Variants in GRIA4 observed in about 807,000 individuals in gnomAD.
GRIA4 encodes the protein glutamate ionotropic receptor AMPA type subunit 4, also known as glutamate receptor 4.
In GRIA4, 34 loss-of-function variants were observed where a neutral mutation model predicts 104.0. The observed-to-expected ratio is 0.33, with a 90% CI of 0.25 to 0.44. The LOEUF is 0.44. Ranked by LOEUF, GRIA4 falls within the 20% of genes least tolerant of loss-of-function variation. The pLI is 1.00. For synonymous variants in GRIA4, 386 were observed against 381.9 expected (o/e 1.01, Z -0.13); for missense variants, 750 against 1,096.5 (o/e 0.68, Z 4.46).
chr11:105,667,001 G>A (rs1297069481), intron 3 of GRIA4, among the ~76,000 whole-genome samples: 1 of 151,752 alleles, frequency 6.6e-6, no homozygotes, highest in Non-Finnish European at 1.5e-5. Flanking sequence ...TGAATGGGAG[G>A]CATGAAGTGG....
chr11:105,651,031 AC>A (rs1951671910), intron 3 of GRIA4, among the ~76,000 whole-genome samples: 1 of 152,144 alleles, frequency 6.6e-6, no homozygotes, highest in South Asian at 2.1e-4. Context: ...TAATCTTGTA[AC>A]TTTTCTATTT....
At chr11:105,650,224 C>T (rs1302824640) in intron 3 of GRIA4, among the ~76,000 whole-genome samples, 1 of 152,218 alleles carries the variant, frequency 6.6e-6, no homozygotes, top group African/African-American at 2.4e-5. Context: ...TTGGTTGTTG[C>T]AAGTCTCACT....
At chr11:105,928,741 G>C (rs976749424) in intron 13 of GRIA4, among the ~76,000 whole-genome samples, 7 of 151,996 alleles carry the variant, frequency 4.6e-5, no homozygotes. Context: ...ATGCTATATT[G>C]ATTCTGTGAA....
At chr11:105,711,984 G>A (rs1397306764) in intron 3 of GRIA4, among the ~76,000 whole-genome samples, 2 of 152,042 alleles carry the variant, frequency 1.3e-5, no homozygotes, top group Non-Finnish European at 2.9e-5. Context: ...GGAAATAAAT[G>A]TCTAAATATC....
intron 3 of GRIA4, among the ~76,000 whole-genome samples, chr11:105,640,145 C>T (rs1951318696): frequency 6.6e-6 from 1 of 151,850 alleles, no homozygotes; most frequent in South Asian, 2.1e-4. Flanking sequence ...TGATCTGATG[C>T]AGATGTTTCC....
intron 4 of GRIA4, among the ~76,000 whole-genome samples, chr11:105,848,499 C>G (rs2135980847): frequency 6.6e-6 from 1 of 152,224 alleles, no homozygotes; most frequent in South Asian, 2.1e-4. Flanking sequence ...AAGTTACAAA[C>G]TGTCTCATGC....
chr11:105,898,317 G>A lies in GRIA4; in HGVS notation c.775G>A (p.Val259Ile), dbSNP rs1946730879. 6.3e-7 allele frequency: 1 copy of A among 1,575,562 alleles called. No individual in the cohort carries two copies. The highest frequency in any genetic ancestry group is 8.7e-7 in the Non-Finnish European group (1 of 1,145,158). ...GAGGTTTATACATGGTGGAGCCAAT[G>A]TTACTGGATTCCAGTTGGTGGATTT... ...LERFIHGGAN[V>I]TGFQLVDFNT... Residue 259 changes from valine (V) to isoleucine (I), a missense_variant, in exon 7 of 17, where the codon GTT becomes ATT. Transcript: ENST00000282499.
intron 3 of GRIA4, among the ~76,000 whole-genome samples, chr11:105,709,291 T>C (rs1953825128): frequency 6.6e-6 from 1 of 151,998 alleles, no homozygotes; most frequent in African/African-American, 2.4e-5. Context: ...AATAAATAAA[T>C]AGATGGAGGA....
intron 4 of GRIA4, among the ~76,000 whole-genome samples, chr11:105,808,293 A>G (rs971451630): frequency 1.3e-5 from 2 of 152,002 alleles, no homozygotes; most frequent in African/African-American, 4.8e-5. Context: ...AGAACCAGAG[A>G]GAGAAAAGAA....
At chr11:105,741,331 T>C (rs899261321) in intron 3 of GRIA4, among the ~76,000 whole-genome samples, 1 of 152,120 alleles carries the variant, frequency 6.6e-6, no homozygotes, top group Non-Finnish European at 1.5e-5. Context: ...TCAAGGAAAC[T>C]GTTGATATTT....
intron 3 of GRIA4, among the ~76,000 whole-genome samples, chr11:105,685,569 G>A (rs944988214): frequency 6.6e-5 from 10 of 152,100 alleles, no homozygotes; most frequent in South Asian, 2.1e-4. Context: ...TAAGATACAC[G>A]TTTGAAACTA....
At chr11:105,759,573 C>T (rs1170921148) in intron 4 of GRIA4, among the ~76,000 whole-genome samples, 1 of 151,954 alleles carries the variant, frequency 6.6e-6, no homozygotes, top group African/African-American at 2.4e-5. Context: ...CAATCTGTCT[C>T]CTGATTGTTT....
At chr11:105,916,328 C>A (rs1296536587) in intron 10 of GRIA4, among the ~76,000 whole-genome samples, 2 of 152,182 alleles carry the variant, frequency 1.3e-5, no homozygotes, top group African/African-American at 4.8e-5. Context: ...ATGCCTACCT[C>A]AATGTGCCAG....
At chr11:105,824,269 A>G (rs1269400824) in intron 4 of GRIA4, among the ~76,000 whole-genome samples, 1 of 151,936 alleles carries the variant, frequency 6.6e-6, no homozygotes, top group Non-Finnish European at 1.5e-5. Flanking sequence ...GTTCATCCCA[A>G]TTCTCACTCT....
chr11:105,676,523 A>T (rs967697290), intron 3 of GRIA4, among the ~76,000 whole-genome samples: 1 of 384 alleles, frequency 2.6e-3, no homozygotes, highest in Non-Finnish European at 0.038. Flanking sequence ...AAAAATTATA[A>T]AAAAAAGAAT....
Position 105,741,614 on chromosome 11 carries a change from G to T in GRIA4, c.248-11367G>T, listed in dbSNP as rs577890943. Among the ~76,000 whole-genome samples the T allele has an allele frequency of 3.9e-5, 6 of 152,234 alleles. 1 individual carries two copies. Among genetic ancestry groups the T allele is most frequent in the South Asian group, 2.1e-4 (1 of 4,818 alleles). On this transcript the variant is annotated intron_variant, in intron 3 of 16. Transcript: ENST00000282499. ...GTGTTCCAAGAAGGGAAGTGGCAAA[G>T]TTCTAGAAATCAACTCCTCATAATT...
intron 14 of GRIA4, among the ~76,000 whole-genome samples, chr11:105,963,506 A>G (rs551690714): frequency 6.6e-6 from 1 of 152,242 alleles, no homozygotes. Context: ...ATGCATTATT[A>G]AAGAAAGGTA....
At chr11:105,917,033 C>A (rs1216757209) in intron 10 of GRIA4, among the ~76,000 whole-genome samples, 1 of 152,032 alleles carries the variant, frequency 6.6e-6, no homozygotes, top group African/African-American at 2.4e-5. Context: ...AATAATAATG[C>A]TTTGCAACAA....
At chr11:105,800,321 T>G (rs1336467768) in intron 4 of GRIA4, among the ~76,000 whole-genome samples, 1 of 152,032 alleles carries the variant, frequency 6.6e-6, no homozygotes, top group Non-Finnish European at 1.5e-5. Context: ...TATGTAAATA[T>G]TGAGACTACC....
Sources: gnomAD v4.1 joint callset for allele counts (sites outside exome capture counted in the v4.1 genomes callset) on GRCh38, gnomAD v4.1.1 for gene constraint, MANE v1.5 for transcripts, NCBI Gene and HGNC (gene_info 2026-07-23, HGNC 2026-07-21) for gene names.